The following KLF7 variants were observed in gnomAD, a reference collection of about 807,000 sequenced individuals.
KLF7 encodes KLF transcription factor 7, also known as Krueppel-like factor 7.
Under a neutral mutation model 27.3 loss-of-function variants are expected in KLF7, and 2 were observed. The observed-to-expected ratio is 0.07, with a 90% CI of 0.03 to 0.23. KLF7 has a LOEUF of 0.23. Ranked by LOEUF, KLF7 falls within the 10% of genes least tolerant of loss-of-function variation. The probability of loss-of-function intolerance (pLI) is 1.00; values close to 1 mark genes in which losing one functional copy is unlikely to be tolerated. For missense variants in KLF7, 221 were observed against 394.1 expected (o/e 0.56, Z 3.72); for synonymous variants, 165 against 162.4 (o/e 1.02, Z -0.12).
chr2:207,108,956 C>CCAT (rs1249087673), intron 2 of KLF7, among the ~76,000 whole-genome samples: 3 of 152,154 alleles, frequency 2.0e-5, no homozygotes, highest in Admixed American at 1.3e-4. Context: ...CAAGATCCAC[C>CCAT]CATCCATAGA....
intron 1 of KLF7, among the ~76,000 whole-genome samples, chr2:207,139,207 A>AT (rs1413915160): frequency 6.6e-6 from 1 of 152,078 alleles, no homozygotes; most frequent in Non-Finnish European, 1.5e-5. Flanking sequence ...TGAAACTGGG[A>AT]TTTTTCCAAT....
chr2:207,142,864 A>G (rs573862604), intron 1 of KLF7, among the ~76,000 whole-genome samples: 3 of 152,314 alleles, frequency 2.0e-5, no homozygotes, highest in South Asian at 2.1e-4. Context: ...TTGGCTGACA[A>G]TTACATTGGT....
In KLF7 at chr2:207,158,549, C is replaced by G. The variant is rs150712202; in HGVS notation, c.102+6918G>C. On this transcript the variant is annotated intron_variant, in intron 1 of 3. Coordinates refer to ENST00000309446, the MANE Select transcript of KLF7 (RefSeq NM_003709.4). ...ATCTAGTTCTATATTCCATCCAACCCCCTACCACATATGCCCCACTGCACA... is the reference window on the plus strand; with the variant it reads ...ATCTAGTTCTATATTCCATCCAACCGCCTACCACATATGCCCCACTGCACA... Among the ~76,000 whole-genome samples, 453 of 152,214 alleles carry G rather than the reference C, an allele frequency of 3.0e-3. 1 individual carries two copies. The highest frequency in any genetic ancestry group is 0.011 in the African/African-American group (444 of 41,522).
intron 1 of KLF7, chr2:207,133,997 C>T: frequency 8.1e-7 from 1 of 1,235,046 alleles, no homozygotes; most frequent in African/African-American, 1.5e-5. Flanking sequence ...TGCACCCCCA[C>T]CCGCTCCTGT....
At chr2:207,082,023 G>A (rs963634091) in intron 3 of KLF7, among the ~76,000 whole-genome samples, 12 of 151,922 alleles carry the variant, frequency 7.9e-5, no homozygotes, top group African/African-American at 2.7e-4. Context: ...AAAGGAGGGG[G>A]GTGAAGGAAA....
chr2:207,110,853 C>T (rs1881933), intron 2 of KLF7, among the ~76,000 whole-genome samples: 61,047 of 152,030 alleles, frequency 0.4, 12,941 homozygotes, highest in African/African-American at 0.53. Context: ...GATTAGGAAA[C>T]GTTTTGCAAG....
chr2:207,105,332 G>A (rs895323003), intron 2 of KLF7, among the ~76,000 whole-genome samples: 3 of 152,160 alleles, frequency 2.0e-5, no homozygotes, highest in African/African-American at 7.2e-5. Flanking sequence ...TTCCTGGCAT[G>A]TTCTTTATGT....
At chr2:207,168,264 A>T (rs921056018), upstream of KLF7, among the ~76,000 whole-genome samples, 2 of 152,216 alleles carry the variant, frequency 1.3e-5, no homozygotes, top group South Asian at 2.1e-4. Context: ...ATATCGGTTA[A>T]CGTGAGTTTG....
chr2:207,122,656 G>C (rs547534814), intron 2 of KLF7, among the ~76,000 whole-genome samples: 1 of 152,214 alleles, frequency 6.6e-6, no homozygotes, highest in South Asian at 2.1e-4. Flanking sequence ...TGATTTTCCA[G>C]CCAGCAATCT....
intron 1 of KLF7, among the ~76,000 whole-genome samples, chr2:207,130,381 A>G (rs1449351785): frequency 3.3e-5 from 5 of 152,232 alleles, no homozygotes; most frequent in African/African-American, 9.6e-5. Context: ...TGAATCTTAG[A>G]GTCCACAGAT....
At chr2:207,094,624 C>T (rs1191161342) in intron 2 of KLF7, among the ~76,000 whole-genome samples, 1 of 152,206 alleles carries the variant, frequency 6.6e-6, no homozygotes. Flanking sequence ...GAAAGTGTCA[C>T]TAAGCTTTCT....
At chr2:207,124,533 G>T in intron 1 of KLF7, 129 bp from the exon 2 acceptor site, 1 of 871,708 alleles carries the variant, frequency 1.1e-6, no homozygotes, top group Non-Finnish European at 1.8e-6. Flanking sequence ...AAATGCCTTA[G>T]TAGAAGGTCT....
At chr2:207,132,753 T>C (rs2077671354) in intron 1 of KLF7, among the ~76,000 whole-genome samples, 2 of 152,254 alleles carry the variant, frequency 1.3e-5, no homozygotes, top group Admixed American at 1.3e-4. Context: ...TGGGCAGAGC[T>C]GGTAGCTATG....
intron 1 of KLF7, among the ~76,000 whole-genome samples, chr2:207,155,772 C>A (rs1275476036): frequency 1.3e-5 from 2 of 152,200 alleles, no homozygotes; most frequent in Non-Finnish European, 2.9e-5. Flanking sequence ...TCCTTCAACA[C>A]CATAGTCAGA....
intron 1 of KLF7, among the ~76,000 whole-genome samples, chr2:207,126,764 C>T (rs2077486890): frequency 6.6e-6 from 1 of 151,098 alleles, no homozygotes; most frequent in Non-Finnish European, 1.5e-5. Context: ...GGTCGTACCA[C>T]TGCACTCCAG....
Position 207,078,646 on chromosome 2 carries a change from G to A in KLF7, c.*2567C>T, listed in dbSNP as rs2076216543. ...CTGGCGTGTGCGTGCATTCATGCTG[G>A]AGGCTGCTACATAAAGGAAAAGAAA... On this transcript the variant is annotated 3_prime_UTR_variant, in exon 4 of 4. Coordinates refer to ENST00000309446, the MANE Select transcript of KLF7 (RefSeq NM_003709.4). The A allele has an allele frequency of 6.6e-6, 1 of 152,208 alleles. No homozygotes were observed. Among genetic ancestry groups the A allele is most frequent in the Non-Finnish European group, 1.5e-5 (1 of 68,038 alleles). 9.4% of individuals were successfully genotyped at this position (152,208 alleles called of 1,614,324 possible).
intron 1 of KLF7, among the ~76,000 whole-genome samples, chr2:207,151,844 C>T (rs1291218152): frequency 6.6e-6 from 1 of 151,858 alleles, no homozygotes; most frequent in Non-Finnish European, 1.5e-5. Flanking sequence ...GAGGAACACC[C>T]AGCAGCAAGT....
intron 2 of KLF7, among the ~76,000 whole-genome samples, chr2:207,123,223 A>T (rs1031481654): frequency 4.6e-5 from 7 of 152,166 alleles, no homozygotes; most frequent in African/African-American, 1.7e-4. Flanking sequence ...CTCTCCATAA[A>T]GCACGCGCCA....
In KLF7 at chr2:207,101,451, T is replaced by C. The variant is rs117870806; in HGVS notation, c.734-12870A>G. Among the ~76,000 whole-genome samples the C allele has an allele frequency of 1.2e-3, 178 of 152,126 alleles. 2 individuals carry two copies. In the East Asian group the frequency reaches 0.033, roughly 28 times the overall value. ...CAGAGATGATCAGCCCCCCTGAAAC[T>C]TGAAGGACACTAAGGACAAGGGCAA... On this transcript the variant is annotated intron_variant, in intron 2 of 3. Transcript: ENST00000309446.
Sources: gnomAD v4.1 joint callset for allele counts (sites outside exome capture counted in the v4.1 genomes callset) on GRCh38, gnomAD v4.1.1 for gene constraint, MANE v1.5 for transcripts, NCBI Gene and HGNC (gene_info 2026-07-23, HGNC 2026-07-21) for gene names.